The following CTCFL variants were observed in gnomAD, a reference collection of about 807,000 sequenced individuals.
The protein encoded by CTCFL is CCCTC-binding factor like.
A neutral mutation model predicts 67.4 loss-of-function variants in CTCFL; 36 were observed. The ratio of observed to expected loss-of-function variants is 0.53; its 90% CI spans 0.41 to 0.71. The LOEUF (loss-of-function observed/expected upper bound fraction) is 0.71, where lower values mean the gene tolerates loss of function less well. Among genes scored for constraint, CTCFL ranks in the 30% least tolerant of loss-of-function variants. CTCFL has a pLI of 0.00. For synonymous variants in CTCFL, 324 were observed against 302.3 expected, an observed-to-expected ratio of 1.07 and a Z score of -0.75; for missense variants, 786 against 835.2, an observed-to-expected ratio of 0.94 and a Z score of 0.73.
chr20:57,522,711 CCTT>C (rs1382747992), intron 3 of CTCFL, among the ~76,000 whole-genome samples: 4 of 152,176 alleles, frequency 2.6e-5, no homozygotes, highest in African/African-American at 9.7e-5. Context: ...AGGAATCACT[CCTT>C]CTCTTGGCCC....
At chr20:57,505,442 G>C (rs2068153100) in intron 9 of CTCFL, among the ~76,000 whole-genome samples, 7 of 151,654 alleles carry the variant, frequency 4.6e-5, no homozygotes, top group Admixed American at 4.6e-4. Context: ...TTTTTCAGTA[G>C]AGATGGGGTT....
intron 7 of CTCFL, chr20:57,514,019 G>A (rs1332844334): frequency 1.1e-5 from 7 of 643,374 alleles, no homozygotes. Flanking sequence ...CTCCCACTCT[G>A]TGGGGTGTGA....
Position 57,512,459 on chromosome 20 carries a change from T to C in CTCFL, c.1491+133A>G, listed in dbSNP as rs1003115024. ...TTGAATGACTGGCTCACAGTTGCTT[T>C]CTGGTTATTCTGAATAGGCTACTCT... On this transcript the variant is annotated intron_variant, in intron 8 of 10. Coordinates refer to ENST00000243914, the MANE Select transcript of CTCFL (RefSeq NM_001386993.1). 9 of 851,514 alleles carry C rather than the reference T, an allele frequency of 1.1e-5. No homozygotes were observed. In the Admixed American group the frequency reaches 2.1e-4, roughly 20 times the overall value. 52.7% of individuals were successfully genotyped at this position (851,514 alleles called of 1,614,324 possible).
chr20:57,522,952 C>T (rs1285222469), intron 3 of CTCFL, 116 bp downstream of exon 3: 2 of 803,700 alleles, frequency 2.5e-6, no homozygotes, highest in Non-Finnish European at 4.0e-6. Flanking sequence ...CTCCCATTTC[C>T]TGACATTTTG....
chr20:57,519,952 A>G (rs1301792762), intron 3 of CTCFL, among the ~76,000 whole-genome samples: 1 of 152,246 alleles, frequency 6.6e-6, no homozygotes, highest in Non-Finnish European at 1.5e-5. Context: ...GTTGTAAGCC[A>G]CATTTCAACT....
At chr20:57,520,688 C>T (rs1177443885) in intron 3 of CTCFL, among the ~76,000 whole-genome samples, 1 of 152,180 alleles carries the variant, frequency 6.6e-6, no homozygotes, top group African/African-American at 2.4e-5. Flanking sequence ...AAGATCATCT[C>T]AATAGATGCA....
Position 57,524,373 on chromosome 20 carries a change from G to A in CTCFL, c.-11-157C>T, listed in dbSNP as rs2069687144. The A allele has an allele frequency of 2.8e-6, 4 of 1,451,716 alleles. No individual in the cohort carries two copies. In the Admixed American group the frequency reaches 8.4e-5, roughly 31 times the overall value. 89.9% of individuals were successfully genotyped at this position (1,451,716 alleles called of 1,614,324 possible). On this transcript the variant is annotated intron_variant, in intron 1 of 10. Transcript: ENST00000243914. The stretch of plus-strand genomic sequence containing the variant: ...AGTAGGGTCAGAACAATGCTGATCT[G>A]GCTTGGGTCTAGGAGGGGGTCAAGG...
chr20:57,496,097 T>C (rs1401963081), downstream of CTCFL: 2 of 400,690 alleles, frequency 5.0e-6, no homozygotes, highest in Non-Finnish European at 8.8e-6. Context: ...GTGTTGGAGG[T>C]GGGGCCTGGT....
chr20:57,506,194 A>C (rs1320513348), intron 9 of CTCFL, among the ~76,000 whole-genome samples: 1 of 152,254 alleles, frequency 6.6e-6, no homozygotes, highest in African/African-American at 2.4e-5. Flanking sequence ...GGCAGACTCA[A>C]GAAGTCGTGG....
Position 57,497,484 on chromosome 20 carries a change from G to A in CTCFL, c.*1066C>T, listed in dbSNP as rs2067739800. On this transcript the variant is annotated 3_prime_UTR_variant, in exon 11 of 11. Coordinates refer to ENST00000243914, the MANE Select transcript of CTCFL (RefSeq NM_001386993.1). ...ATCTTGAAATACAGGGGTGGAGACA[G>A]GTTGGCAGCAAAACAAACTGCTCAA... The A allele has an allele frequency of 1.0e-6, 1 of 985,400 alleles. No homozygotes were observed. The highest frequency in any genetic ancestry group is 1.2e-6 in the Non-Finnish European group (1 of 829,922). 61.0% of individuals were successfully genotyped at this position (985,400 alleles called of 1,614,324 possible). A position where few individuals can be genotyped will look rare whatever the true frequency, so the allele number is the denominator to read the frequency against.
chr20:57,518,646 A>C, intron 5 of CTCFL, 112 bp downstream of exon 5: 1 of 1,582,178 alleles, frequency 6.3e-7, no homozygotes, highest in Non-Finnish European at 8.6e-7. Flanking sequence ...ATTTTATATG[A>C]ATAATAAAAA....
intron 1 of CTCFL, chr20:57,524,731 G>T (rs761077382): frequency 1.0e-6 from 1 of 992,396 alleles, no homozygotes; most frequent in Non-Finnish European, 1.2e-6. Context: ...CCTCGTGCAC[G>T]GTTCTAGACC....
chr20:57,517,311 G>A (rs1449424327), intron 5 of CTCFL, among the ~76,000 whole-genome samples: 1 of 145,080 alleles, frequency 6.9e-6, no homozygotes, highest in African/African-American at 2.6e-5. Context: ...TGGAGACGGT[G>A]TCTCACTCTC....
Position 57,518,905 on chromosome 20 carries a change from T to C in CTCFL, c.926-14A>G, listed in dbSNP as rs750108384. Reference sequence around the variant, plus strand: ...AGGGCCTGGTTCCTGTAAAATCACATAGTTCATACTTTCAAAACAAGACTT... The same window carrying C: ...AGGGCCTGGTTCCTGTAAAATCACACAGTTCATACTTTCAAAACAAGACTT... On this transcript the variant is annotated splice_polypyrimidine_tract_variant and intron_variant, in intron 4 of 10. Coordinates refer to ENST00000243914, the MANE Select transcript of CTCFL (RefSeq NM_001386993.1). 2 of 1,597,850 alleles carry C rather than the reference T, an allele frequency of 1.3e-6. No individual in the cohort carries two copies. Among genetic ancestry groups the C allele is most frequent in the South Asian group, 2.2e-5 (2 of 89,000 alleles).
intron 10 of CTCFL, chr20:57,500,187 A>C: frequency 1.0e-6 from 1 of 993,604 alleles, no homozygotes; most frequent in Non-Finnish European, 1.2e-6. Context: ...CCATCAGGCC[A>C]GGCACAGGGG....
At position 57,512,572 on chromosome 20, in the gene CTCFL, A is replaced by G. The variant is rs780752458; in HGVS notation, c.1491+20T>C. 2 of 1,610,126 alleles carry G rather than the reference A, an allele frequency of 1.2e-6. No homozygotes were observed. Among genetic ancestry groups the G allele is most frequent in the Non-Finnish European group, 1.7e-6 (2 of 1,176,768 alleles). On this transcript the variant is annotated intron_variant, in intron 8 of 10. Coordinates refer to ENST00000243914, the MANE Select transcript of CTCFL (RefSeq NM_001386993.1). Reference sequence around the variant, plus strand: ...TCTTCCATACACCACTGCCTCTCCAAATTAAGTAAAGTACAATACCTGCTT... The same window carrying G: ...TCTTCCATACACCACTGCCTCTCCAGATTAAGTAAAGTACAATACCTGCTT...
At chr20:57,513,764 T>C (rs1293725445) in intron 7 of CTCFL, 9 of 1,242,538 alleles carry the variant, frequency 7.2e-6, no homozygotes, top group African/African-American at 1.6e-5. Context: ...CAGAATCTCT[T>C]TGGGCAAAAG....
At chr20:57,499,075 G>GGGGGGGT (rs2067786506) in intron 10 of CTCFL, among the ~76,000 whole-genome samples, 1 of 84,634 alleles carries the variant, frequency 1.2e-5, no homozygotes, top group Non-Finnish European at 2.1e-5. Flanking sequence ...GAAGGTGACG[G>GGGGGGGT]GGGGGGGGTG....
rs564267797 is a variant in CTCFL at position 57,513,576 on chromosome 20, A to G, written c.1331-824T>C. ...ACCATGTTACTTTGCCATGGTGTCAAAAAAGTCTAGCAACTGGCTAGACTT... is the reference window on the plus strand; with the variant it reads ...ACCATGTTACTTTGCCATGGTGTCAGAAAAGTCTAGCAACTGGCTAGACTT... On this transcript the variant is annotated intron_variant, in intron 7 of 10. Transcript: ENST00000243914. The G allele has an allele frequency of 1.9e-5, 21 of 1,109,780 alleles. No homozygotes were observed. The African/African-American group carries it at 2.5e-4, about 13-fold the overall frequency. 68.7% of individuals were successfully genotyped at this position (1,109,780 alleles called of 1,614,324 possible).
Sources: allele counts gnomAD v4.1 joint callset (sites outside exome capture counted in the v4.1 genomes callset), GRCh38; gene constraint gnomAD v4.1.1; transcripts MANE v1.5; gene names NCBI Gene and HGNC (gene_info 2026-07-23, HGNC 2026-07-21).